DCC: variants seen among roughly 807,000 people sequenced by gnomAD.
DCC encodes DCC netrin 1 receptor.
DCC carries 58 observed loss-of-function variants against 172.5 expected under a neutral mutation model. That is an observed-to-expected ratio of 0.34 (90% CI 0.27 to 0.42). The LOEUF (loss-of-function observed/expected upper bound fraction) is 0.42, where lower values mean the gene tolerates loss of function less well. Ranked by LOEUF, DCC falls within the 10% of genes least tolerant of loss-of-function variation. The pLI is 1.00. For missense variants in DCC, 1,740 were observed against 1,791.0 expected (o/e 0.97, Z 0.51); for synonymous variants, 709 against 644.5 (o/e 1.10, Z -1.52).
At chr18:52,792,495 C>A (rs35798574) in intron 2 of DCC, among the ~76,000 whole-genome samples, 1 of 152,154 alleles carries the variant, frequency 6.6e-6, no homozygotes, top group Non-Finnish European at 1.5e-5. Context: ...GCCAGAAGTT[C>A]TCAGTTGCCC....
At chr18:52,547,581 A>C (rs920934840) in intron 1 of DCC, among the ~76,000 whole-genome samples, 1 of 152,180 alleles carries the variant, frequency 6.6e-6, no homozygotes, top group Non-Finnish European at 1.5e-5. Flanking sequence ...CCATGAGATG[A>C]GTTGTTTAGA....
chr18:52,507,458 T>C (rs1352868327), intron 1 of DCC, among the ~76,000 whole-genome samples: 1 of 152,218 alleles, frequency 6.6e-6, no homozygotes, highest in African/African-American at 2.4e-5. Flanking sequence ...AAAGATGGAA[T>C]AGTAAAATGG....
chr18:53,274,243 A>G (rs572576659), intron 12 of DCC, among the ~76,000 whole-genome samples: 3 of 152,208 alleles, frequency 2.0e-5, no homozygotes, highest in Admixed American at 2.0e-4. Context: ...GCTGTTATCG[A>G]TTCTACAGAA....
chr18:53,160,275 CAT>C (rs1212421219), intron 8 of DCC, among the ~76,000 whole-genome samples: 2 of 152,108 alleles, frequency 1.3e-5, no homozygotes, highest in Non-Finnish European at 2.9e-5. Flanking sequence ...AGTTTCAAAT[CAT>C]ATTCTTGCCT....
intron 2 of DCC, among the ~76,000 whole-genome samples, chr18:52,852,697 G>T (rs754037243): frequency 1.3e-5 from 2 of 152,028 alleles, no homozygotes; most frequent in Non-Finnish European, 2.9e-5. Flanking sequence ...TTATTTTTAT[G>T]TAGTTACAGT....
chr18:53,326,313 G>A (rs1380137199), intron 14 of DCC, among the ~76,000 whole-genome samples: 1 of 152,134 alleles, frequency 6.6e-6, no homozygotes, highest in African/African-American at 2.4e-5. Flanking sequence ...AAAACTGAAA[G>A]CCATTTCAGA....
rs13381333 is a variant in DCC at position 52,752,316 on chromosome 18, G to A, written c.354G>A (p.Glu118=). 0.12 allele frequency: 201,669 copies of A among 1,613,824 alleles called. 13,958 individuals carry two copies. The highest frequency in any genetic ancestry group is 0.22 in the Middle Eastern group (1,320 of 6,060). ...CAGATGAGGGACTTTACCAATGTGA[G>A]GCATCTTTAGGAGATTCTGGCTCAA... ...HKPDEGLYQC[E]ASLGDSGSII... Residue 118 remains glutamate (E), a synonymous_variant, in exon 2 of 29, where the codon GAG becomes GAA. Coordinates refer to ENST00000442544, the MANE Select transcript of DCC (RefSeq NM_005215.4).
chr18:53,489,782 G>A (rs73960504), intron 26 of DCC, among the ~76,000 whole-genome samples: 3,017 of 152,188 alleles, frequency 0.02, 81 homozygotes, highest in African/African-American at 0.069. Flanking sequence ...ACATGTATTC[G>A]CTGACCTATC....
At chr18:52,461,665 G>A (rs928534678) in intron 1 of DCC, among the ~76,000 whole-genome samples, 2 of 152,156 alleles carry the variant, frequency 1.3e-5, no homozygotes, top group African/African-American at 4.8e-5. Context: ...TGGGACCACT[G>A]TTGCGTACAT....
At chr18:53,190,907 C>A (rs1374193959) in intron 9 of DCC, among the ~76,000 whole-genome samples, 3 of 152,174 alleles carry the variant, frequency 2.0e-5, no homozygotes, top group Non-Finnish European at 4.4e-5. Context: ...GATCGCGTCA[C>A]TGCACTCTTG....
chr18:53,189,996 G>A (rs2055341197), intron 9 of DCC, among the ~76,000 whole-genome samples: 5 of 152,126 alleles, frequency 3.3e-5, no homozygotes, highest in Admixed American at 2.6e-4. Context: ...GCACGATCCT[G>A]GCTTACTGTA....
intron 1 of DCC, among the ~76,000 whole-genome samples, chr18:52,617,602 A>G (rs1335390889): frequency 6.8e-6 from 1 of 147,500 alleles, no homozygotes; most frequent in Admixed American, 6.6e-5. Context: ...TCTTGGAGAC[A>G]ACTTTTTATA....
At chr18:52,624,944 A>T (rs534628165) in intron 1 of DCC, among the ~76,000 whole-genome samples, 3 of 152,208 alleles carry the variant, frequency 2.0e-5, no homozygotes, top group African/African-American at 7.2e-5. Flanking sequence ...GCATTAGGTG[A>T]TTTGGTTGTT....
At chr18:52,822,719 T>G (rs1450273560) in intron 2 of DCC, among the ~76,000 whole-genome samples, 1 of 152,192 alleles carries the variant, frequency 6.6e-6, no homozygotes, top group Non-Finnish European at 1.5e-5. Flanking sequence ...AAATCCTGGT[T>G]TTTAGTATTA....
chr18:52,538,775 T>C (rs2032355535), intron 1 of DCC, among the ~76,000 whole-genome samples: 1 of 152,218 alleles, frequency 6.6e-6, no homozygotes, highest in South Asian at 2.1e-4. Context: ...ATGTTTTTTT[T>C]TCTTTTAACC....
intron 1 of DCC, among the ~76,000 whole-genome samples, chr18:52,594,677 GT>G (rs2033870742): frequency 2.0e-5 from 3 of 152,176 alleles, no homozygotes; most frequent in Non-Finnish European, 2.9e-5. Flanking sequence ...CTGGCATCTG[GT>G]TCTGGGGAGG....
chr18:52,391,763 A>G (rs2144350694), intron 1 of DCC, among the ~76,000 whole-genome samples: 1 of 152,234 alleles, frequency 6.6e-6, no homozygotes, highest in East Asian at 1.9e-4. Context: ...AAGCAACTCT[A>G]TTCTATTTGG....
At chr18:53,100,583 G>C (rs1301535721) in intron 7 of DCC, among the ~76,000 whole-genome samples, 1 of 151,890 alleles carries the variant, frequency 6.6e-6, no homozygotes, top group Non-Finnish European at 1.5e-5. Context: ...AGAAAAGAAA[G>C]ATAGAAGAAG....
chr18:53,189,652 G>T (rs1210147461), intron 9 of DCC, among the ~76,000 whole-genome samples: 1 of 152,154 alleles, frequency 6.6e-6, no homozygotes, highest in Non-Finnish European at 1.5e-5. Flanking sequence ...TATTTGCTAT[G>T]CTCTTACCTT....
Sources: gnomAD v4.1 joint callset for allele counts (sites outside exome capture counted in the v4.1 genomes callset) on GRCh38, gnomAD v4.1.1 for gene constraint, MANE v1.5 for transcripts, NCBI Gene and HGNC (gene_info 2026-07-23, HGNC 2026-07-21) for gene names.